Variants in HHIP observed in about 807,000 individuals in gnomAD.
HHIP encodes hedgehog interacting protein, also known as hedgehog-interacting protein.
In HHIP, 12 loss-of-function variants were observed where a neutral mutation model predicts 74.0. The ratio of observed to expected loss-of-function variants is 0.16; its 90% CI spans 0.10 to 0.26. The LOEUF is 0.26. Among genes scored for constraint, HHIP ranks in the 10% least tolerant of loss-of-function variants. HHIP has a pLI of 1.00. For synonymous variants in HHIP, 309 were observed against 311.6 expected (o/e 0.99, Z 0.09); for missense variants, 788 against 845.0 (o/e 0.93, Z 0.84).
chr4:144,663,117 C>G (rs1394445738), intron 4 of HHIP, among the ~76,000 whole-genome samples: 1 of 152,066 alleles, frequency 6.6e-6, no homozygotes, highest in Non-Finnish European at 1.5e-5. Flanking sequence ...GAAACCATGT[C>G]TCTAATAAAA....
chr4:144,703,942 G>A (rs1730059909), intron 4 of HHIP, among the ~76,000 whole-genome samples: 1 of 152,242 alleles, frequency 6.6e-6, no homozygotes, highest in Middle Eastern at 3.4e-3. Flanking sequence ...GCATTTGAGA[G>A]TTAAATCATA....
Position 144,738,083 on chromosome 4 carries a change from A to G in HHIP, c.*126A>G. ...CATTCTCTTTTATTAATTTAAAAAT[A>G]ATTTCCAGAAATGTGCAGATCCTCT... is the stretch of plus-strand genomic sequence containing the variant. On this transcript the variant is annotated 3_prime_UTR_variant, in exon 13 of 13. Coordinates refer to ENST00000296575, the MANE Select transcript of HHIP (RefSeq NM_022475.3). The G allele has an allele frequency of 7.4e-7, 1 of 1,360,438 alleles. No individual in the cohort carries two copies. Among genetic ancestry groups the G allele is most frequent in the Non-Finnish European group, 9.4e-7 (1 of 1,058,380 alleles). 84.3% of individuals were successfully genotyped at this position (1,360,438 alleles called of 1,614,324 possible).
rs5862718 is a variant in HHIP, at chr4:144,666,248, CGTGTGTGTGTGTGTGT to C, written c.831+6442_831+6457del. ...GAAGATTGTTTCCTGATACTACAGT[CGTGTGTGTGTGTGTGT>C]GTGTGTGTGTGTGTGTGTGTGTGTG... On this transcript the variant is annotated intron_variant, in intron 4 of 12. Transcript: ENST00000296575. Among the ~76,000 whole-genome samples, 1,377 of 143,370 alleles carry C rather than the reference CGTGTGTGTGTGTGTGT, an allele frequency of 9.6e-3. 22 individuals carry two copies. The highest frequency in any genetic ancestry group is 0.03 in the African/African-American group (1,153 of 38,530). The allele number at this position is 143,370 out of a possible 152,430, so 94.1% of individuals were successfully genotyped here.
At chr4:144,682,636 TAGC>T (rs1253326416) in intron 4 of HHIP, among the ~76,000 whole-genome samples, 1 of 152,240 alleles carries the variant, frequency 6.6e-6, no homozygotes, top group Non-Finnish European at 1.5e-5. Context: ...GAGACTGAAA[TAGC>T]AGCATTACTG....
chr4:144,718,255 GA>G (rs908354303), intron 10 of HHIP, among the ~76,000 whole-genome samples: 16 of 152,240 alleles, frequency 1.1e-4, no homozygotes, highest in African/African-American at 3.4e-4. Flanking sequence ...AAGAAGGGGG[GA>G]AAAAATGAAC....
At position 144,740,476 on chromosome 4, in the gene HHIP, A is replaced by C. The variant is rs955446831; in HGVS notation, c.*2519A>C. On this transcript the variant is annotated 3_prime_UTR_variant, in exon 13 of 13. Transcript: ENST00000296575. ...TAGCAAGATCCACGGATATTAAGCC[A>C]AGCAAAGAAAGTAAAATCATTGGAG... 3 of 152,214 alleles carry C rather than the reference A, an allele frequency of 2.0e-5. No individual in the cohort carries two copies. The highest frequency in any genetic ancestry group is 6.5e-5 in the Admixed American group (1 of 15,270). The allele number at this position is 152,214 out of a possible 1,614,324, so 9.4% of individuals were successfully genotyped here. A position where few individuals can be genotyped will look rare whatever the true frequency, so the allele number is the denominator to read the frequency against.
intron 12 of HHIP, among the ~76,000 whole-genome samples, chr4:144,735,252 C>T (rs548377333): frequency 3.3e-5 from 5 of 152,168 alleles, no homozygotes; most frequent in African/African-American, 9.7e-5. Flanking sequence ...CCTCTCCAAG[C>T]GCTAGCATTT....
chr4:144,718,749 C>G, intron 10 of HHIP, 126 bp from the exon 11 acceptor site: 1 of 693,616 alleles, frequency 1.4e-6, no homozygotes, highest in Non-Finnish European at 2.6e-6. Flanking sequence ...CTTGCATAAT[C>G]TTTAGGCAAG....
chr4:144,720,073 T>A (rs1035154056), intron 11 of HHIP, among the ~76,000 whole-genome samples: 2 of 152,320 alleles, frequency 1.3e-5, no homozygotes, highest in Admixed American at 6.5e-5. Flanking sequence ...ATATCACATA[T>A]CACAGGTTGA....
intron 4 of HHIP, among the ~76,000 whole-genome samples, chr4:144,671,504 A>G (rs752897704): frequency 3.3e-5 from 5 of 152,126 alleles, no homozygotes; most frequent in Admixed American, 1.3e-4. Context: ...GACAGCATCA[A>G]TTTTCAGAGC....
In HHIP at chr4:144,714,209, C is replaced by A; in HGVS notation, c.1424-16C>A. On this transcript the variant is annotated splice_polypyrimidine_tract_variant and intron_variant, in intron 8 of 12. Transcript: ENST00000296575. Reference sequence around the variant, plus strand: ...AAAATATGTTTCATTTGATCTAATGCTATGTTTCTTTCCAGAAAGTGAGCC... The same window carrying A: ...AAAATATGTTTCATTTGATCTAATGATATGTTTCTTTCCAGAAAGTGAGCC... 6.2e-7 allele frequency: 1 copy of A among 1,605,882 alleles called. No individual in the cohort carries two copies. Among genetic ancestry groups the A allele is most frequent in the Non-Finnish European group, 8.5e-7 (1 of 1,173,058 alleles).
Position 144,742,859 on chromosome 4 carries a change from C to G in HHIP, c.*4902C>G, listed in dbSNP as rs1731290198. On this transcript the variant is annotated 3_prime_UTR_variant, in exon 13 of 13. Transcript: ENST00000296575. ...TATATATATATCTTTATATATATAT[C>G]TTATATATATATCTTTTTATATATA... 1.5e-5 allele frequency: 2 copies of G among 131,392 alleles called. No homozygotes were observed. Among genetic ancestry groups the G allele is most frequent in the Non-Finnish European group, 3.2e-5 (2 of 63,450 alleles). 8.1% of individuals were successfully genotyped at this position (131,392 alleles called of 1,614,324 possible).
In HHIP at chr4:144,646,244, C is replaced by A; in HGVS notation, c.-432C>A. On this transcript the variant is annotated 5_prime_UTR_variant, in exon 1 of 13. Transcript: ENST00000296575. ...AGCGCTGGCCCTGCCTCCGCCTGCC[C>A]CGCCGCCGCCGTCGCCGTTTCTGTT... 1 of 165,924 alleles carries A rather than the reference C, an allele frequency of 6.0e-6. No homozygotes were observed. The highest frequency in any genetic ancestry group is 1.6e-4 in the South Asian group (1 of 6,188). The allele number at this position is 165,924 out of a possible 1,614,324, so 10.3% of individuals were successfully genotyped here. A position where few individuals can be genotyped will look rare whatever the true frequency, so the allele number is the denominator to read the frequency against.
At chr4:144,695,921 C>T (rs867288814) in intron 4 of HHIP, among the ~76,000 whole-genome samples, 1 of 151,862 alleles carries the variant, frequency 6.6e-6, no homozygotes, top group Non-Finnish European at 1.5e-5. Context: ...TCCAAAAGTT[C>T]TTTGGATGGC....
At chr4:144,721,148 T>G (rs1340965100) in intron 11 of HHIP, among the ~76,000 whole-genome samples, 1 of 152,188 alleles carries the variant, frequency 6.6e-6, no homozygotes, top group African/African-American at 2.4e-5. Context: ...TCAGAATAAC[T>G]TTCAAACATC....
intron 11 of HHIP, among the ~76,000 whole-genome samples, chr4:144,722,376 C>T (rs1414972016): frequency 6.6e-6 from 1 of 152,116 alleles, no homozygotes; most frequent in Non-Finnish European, 1.5e-5. Context: ...ATATTTCTGT[C>T]CCTGCTGCAT....
chr4:144,715,235 T>A lies in HHIP; in HGVS notation c.1548-65T>A, dbSNP rs1578719271. The A allele has an allele frequency of 3.4e-6, 5 of 1,469,896 alleles. No individual in the cohort carries two copies. In the East Asian group the frequency reaches 1.1e-4, roughly 34 times the overall value. 91.1% of individuals were successfully genotyped at this position (1,469,896 alleles called of 1,614,324 possible). A position where few individuals can be genotyped will look rare whatever the true frequency, so the allele number is the denominator to read the frequency against. On this transcript the variant is annotated intron_variant, in intron 9 of 12. Transcript: ENST00000296575. Reference sequence around the variant, plus strand: ...TTTGTTATGAATTTTATTTTAAACATCTTATTGTCATCAATAAACAAAAGT... The same window carrying A: ...TTTGTTATGAATTTTATTTTAAACAACTTATTGTCATCAATAAACAAAAGT...
intron 2 of HHIP, among the ~76,000 whole-genome samples, chr4:144,658,550 G>A (rs1369712472): frequency 6.6e-6 from 1 of 151,678 alleles, no homozygotes; most frequent in Admixed American, 6.6e-5. Context: ...TATATTTTTA[G>A]TAGAGACGGG....
rs187505670 is a variant in HHIP at position 144,700,856 on chromosome 4, A to G, written c.832-5675A>G. 3.8e-3 allele frequency among the ~76,000 whole-genome samples: 579 copies of G among 152,338 alleles called. 5 individuals carry two copies. The highest frequency in any genetic ancestry group is 5.3e-3 in the Non-Finnish European group (361 of 68,034). ...AAAGTTTGTGGTAAATTTTCATAGC[A>G]GCAATAGAAAATGAATACAATCTGG... On this transcript the variant is annotated intron_variant, in intron 4 of 12. Coordinates refer to ENST00000296575, the MANE Select transcript of HHIP (RefSeq NM_022475.3).
Sources: gnomAD v4.1 joint callset for allele counts (sites outside exome capture counted in the v4.1 genomes callset) on GRCh38, gnomAD v4.1.1 for gene constraint, MANE v1.5 for transcripts, NCBI Gene and HGNC (gene_info 2026-07-23, HGNC 2026-07-21) for gene names.